SDC3: variants seen among roughly 807,000 people sequenced by gnomAD.
The protein encoded by SDC3 is syndecan 3.
SDC3 carries 13 observed loss-of-function variants against 24.4 expected under a neutral mutation model. The observed-to-expected ratio is 0.53, with a 90% confidence interval of 0.35 to 0.85. The LOEUF (loss-of-function observed/expected upper bound fraction) is 0.85. SDC3 is among the 40% of genes least tolerant of loss of function. SDC3 has a pLI of 0.01. For missense variants in SDC3, 571 were observed against 584.5 expected, an observed-to-expected ratio of 0.98 and a Z score of 0.24; for synonymous variants, 295 against 260.9, an observed-to-expected ratio of 1.13 and a Z score of -1.26.
upstream of SDC3, among the ~76,000 whole-genome samples, chr1:30,909,239 C>T (rs1007247463): frequency 2.0e-5 from 3 of 152,210 alleles, no homozygotes; most frequent in Non-Finnish European, 2.9e-5. Flanking sequence ...AGACCACGGG[C>T]TTTCATGCCT....
Position 30,870,619 on chromosome 1 carries a change from G to C in SDC3, c.*2592C>G, listed in dbSNP as rs1639516940. 1 of 152,302 alleles carries C rather than the reference G, an allele frequency of 6.6e-6. No individual in the cohort carries two copies. Among genetic ancestry groups the C allele is most frequent in the African/African-American group, 2.4e-5 (1 of 41,440 alleles). The allele number at this position is 152,302 out of a possible 1,614,324, so 9.4% of individuals were successfully genotyped here. On this transcript the variant is annotated 3_prime_UTR_variant, in exon 5 of 5. Transcript: ENST00000339394. The stretch of plus-strand genomic sequence containing the variant: ...AGGATAAAGCCTGGACATCTGCCTT[G>C]GGTCCAGGGATCCATGAACAAGGCC...
At chr1:30,874,651 T>A (rs1639608543) in intron 3 of SDC3, 63 bp from the exon 4 acceptor site, 3 of 1,499,666 alleles carry the variant, frequency 2.0e-6, no homozygotes, top group Admixed American at 3.5e-5. Flanking sequence ...CCCACCACCA[T>A]CCTACTGCCC....
At chr1:30,874,249 A>G (rs780617607) in intron 4 of SDC3, 48 bp downstream of exon 4, 3 of 1,488,504 alleles carry the variant, frequency 2.0e-6, no homozygotes, top group East Asian at 4.6e-5. Context: ...CAGCTGTCTC[A>G]CTCTGGTATC....
upstream of SDC3, among the ~76,000 whole-genome samples, chr1:30,909,306 C>T (rs545855530): frequency 6.6e-6 from 1 of 152,288 alleles, no homozygotes; most frequent in African/African-American, 2.4e-5. Flanking sequence ...CTCTGGGCCT[C>T]GGTCTCCCCA....
intron 1 of SDC3, among the ~76,000 whole-genome samples, chr1:30,897,503 T>A (rs994560630): frequency 6.6e-6 from 1 of 152,134 alleles, no homozygotes; most frequent in Non-Finnish European, 1.5e-5. Flanking sequence ...ACAGAAAATA[T>A]GCTGCAGAGA....
Position 30,908,433 on chromosome 1 carries a change from G to A in SDC3, c.138+16C>T, listed in dbSNP as rs1342652511. ...CCCGGGGAGCCGTGGCGGGGATCCGGGCGCGTGTCACTCACCCCCGCGGCG... is the reference window on the plus strand; with the variant it reads ...CCCGGGGAGCCGTGGCGGGGATCCGAGCGCGTGTCACTCACCCCCGCGGCG... On this transcript the variant is annotated intron_variant, in intron 1 of 4. Transcript: ENST00000339394. The A allele has an allele frequency of 2.9e-6, 3 of 1,033,080 alleles. No individual in the cohort carries two copies. The African/African-American group carries it at 5.3e-5, about 18-fold the overall frequency. 64.0% of individuals were successfully genotyped at this position (1,033,080 alleles called of 1,614,324 possible).
Position 30,874,552 on chromosome 1 carries a change from C to A in SDC3, c.907G>T (p.Asp303Tyr), listed in dbSNP as rs4949184. ...CCACTCACCGGAACCTCTGGCTCATCCCGGATTGTGGTCAGGAAGGTCTCT... is the reference window on the plus strand; with the variant it reads ...CCACTCACCGGAACCTCTGGCTCATACCGGATTGTGGTCAGGAAGGTCTCT... ...TPETFLTTIR[D>Y]EPEVPVSGGP... Residue 303 changes from aspartate to tyrosine, a missense_variant, in exon 4 of 5, where the codon GAT (aspartate) becomes TAT (tyrosine). By Grantham distance (160) the Asp-to-Tyr change is radical. Coordinates refer to ENST00000339394, the MANE Select transcript of SDC3 (RefSeq NM_014654.4). 3.1e-5 allele frequency: 50 copies of A among 1,613,910 alleles called. No individual in the cohort carries two copies. Among genetic ancestry groups the A allele is most frequent in the Non-Finnish European group, 4.2e-5 (49 of 1,179,966 alleles).
chr1:30,876,126 C>T (rs1639632832), intron 3 of SDC3, among the ~76,000 whole-genome samples: 1 of 152,224 alleles, frequency 6.6e-6, no homozygotes, highest in South Asian at 2.1e-4. Context: ...AAATGATACA[C>T]ATTCTATTGT....
At chr1:30,900,703 G>T (rs1464263952) in intron 1 of SDC3, among the ~76,000 whole-genome samples, 2 of 152,190 alleles carry the variant, frequency 1.3e-5, no homozygotes, top group African/African-American at 4.8e-5. Flanking sequence ...GCCCCCTGGT[G>T]CCCGCAATCG....
chr1:30,902,059 C>A (rs1431069602), intron 1 of SDC3, among the ~76,000 whole-genome samples: 3 of 152,164 alleles, frequency 2.0e-5, no homozygotes, highest in Admixed American at 6.5e-5. Flanking sequence ...TCAAGCTGCC[C>A]CCTCAGGCTT....
rs1029518861 is a variant in SDC3 at position 30,872,648 on chromosome 1, G to A, written c.*563C>T. On this transcript the variant is annotated 3_prime_UTR_variant, in exon 5 of 5. Transcript: ENST00000339394. ...CATGTGTACTTGGCAGGCAAGAGGA[G>A]AGATTCAACAACCCCAGAGAGACCA... is the stretch of plus-strand genomic sequence containing the variant. The A allele has an allele frequency of 5.9e-5, 9 of 153,796 alleles. No homozygotes were observed. Among genetic ancestry groups the A allele is most frequent in the African/African-American group, 1.9e-4 (8 of 41,460 alleles). The allele number at this position is 153,796 out of a possible 1,614,324, so 9.5% of individuals were successfully genotyped here. A position where few individuals can be genotyped will look rare whatever the true frequency, so the allele number is the denominator to read the frequency against.
chr1:30,896,948 G>A (rs1638276424), intron 1 of SDC3, among the ~76,000 whole-genome samples: 1 of 152,208 alleles, frequency 6.6e-6, no homozygotes, highest in South Asian at 2.1e-4. Flanking sequence ...GGGCAACAGA[G>A]TAAAAGTCCA....
intron 1 of SDC3, among the ~76,000 whole-genome samples, chr1:30,890,400 C>A (rs1330932135): frequency 6.6e-6 from 1 of 152,188 alleles, no homozygotes; most frequent in African/African-American, 2.4e-5. Context: ...CAAAAGACCA[C>A]ATATTATATT....
intron 1 of SDC3, among the ~76,000 whole-genome samples, chr1:30,897,696 T>G (rs1638300662): frequency 6.6e-6 from 1 of 152,194 alleles, no homozygotes; most frequent in Non-Finnish European, 1.5e-5. Flanking sequence ...TAGATGGGAC[T>G]CCAGGGGCAG....
chr1:30,874,681 A>G (rs913231009), intron 3 of SDC3, 93 bp from the exon 4 acceptor site: 4 of 1,155,280 alleles, frequency 3.5e-6, no homozygotes, highest in Admixed American at 3.8e-5. Context: ...AACACTTAGC[A>G]CTCCCTACAT....
At chr1:30,886,027 T>A (rs2124324512) in intron 1 of SDC3, among the ~76,000 whole-genome samples, 1 of 152,170 alleles carries the variant, frequency 6.6e-6, no homozygotes, top group Non-Finnish European at 1.5e-5. Flanking sequence ...TTGATGCCTG[T>A]CCCCAAGCTC....
Position 30,869,768 on chromosome 1 carries a change from C to T in SDC3, c.*3443G>A. On this transcript the variant is annotated 3_prime_UTR_variant, in exon 5 of 5. Coordinates refer to ENST00000339394, the MANE Select transcript of SDC3 (RefSeq NM_014654.4). Reference sequence around the variant, plus strand: ...GCCTGGGGGAGGGAATGGCAGACCCCCACCCACCCCAGGCAGGTTCTGTAC... The same window carrying T: ...GCCTGGGGGAGGGAATGGCAGACCCTCACCCACCCCAGGCAGGTTCTGTAC... 2.5e-6 allele frequency: 1 copy of T among 398,650 alleles called. No homozygotes were observed. The highest frequency in any genetic ancestry group is 4.4e-6 in the Non-Finnish European group (1 of 226,234). The allele number at this position is 398,650 out of a possible 1,614,324, so 24.7% of individuals were successfully genotyped here.
At chr1:30,907,906 G>C (rs1266754282) in intron 1 of SDC3, among the ~76,000 whole-genome samples, 3 of 152,208 alleles carry the variant, frequency 2.0e-5, no homozygotes, top group Non-Finnish European at 4.4e-5. Context: ...CCCTCGGAAG[G>C]GGAACCGATC....
intron 4 of SDC3, among the ~76,000 whole-genome samples, chr1:30,873,907 G>T (rs1257546437): frequency 6.6e-6 from 1 of 152,112 alleles, no homozygotes; most frequent in African/African-American, 2.4e-5. Context: ...GCCAGGGCAG[G>T]TCCACAGGGA....
Sources: allele counts gnomAD v4.1 joint callset (sites outside exome capture counted in the v4.1 genomes callset), GRCh38; gene constraint gnomAD v4.1.1; transcripts MANE v1.5; gene names NCBI Gene and HGNC (gene_info 2026-07-23, HGNC 2026-07-21).